CFAP57: variants seen among roughly 807,000 people sequenced by gnomAD.
The protein encoded by CFAP57 is cilia- and flagella-associated protein 57.
In CFAP57, 116 loss-of-function variants were observed where a neutral mutation model predicts 146.8. That is an observed-to-expected ratio of 0.79 (90% confidence interval 0.68 to 0.92). The LOEUF is 0.92. CFAP57 is among the 40% of genes least tolerant of loss of function. The probability of loss-of-function intolerance (pLI) is 0.00; values close to 1 mark genes in which losing one functional copy is unlikely to be tolerated. For missense variants in CFAP57, 1,377 were observed against 1,527.2 expected, an observed-to-expected ratio of 0.90 and a Z score of 1.64; for synonymous variants, 518 against 552.8, an observed-to-expected ratio of 0.94 and a Z score of 0.88.
At chr1:43,205,513 G>T (rs1644321485) in intron 9 of CFAP57, among the ~76,000 whole-genome samples, 1 of 152,240 alleles carries the variant, frequency 6.6e-6, no homozygotes, top group Admixed American at 6.5e-5. Context: ...GTGCACGTAT[G>T]TAAGCCCCTG....
chr1:43,233,180 A>G lies in CFAP57; in HGVS notation c.3126+556A>G, dbSNP rs571330931. Among the ~76,000 whole-genome samples, 277 of 152,318 alleles carry G rather than the reference A, an allele frequency of 1.8e-3. 1 individual carries two copies. Among genetic ancestry groups the G allele is most frequent in the Middle Eastern group, 3.4e-3 (1 of 294 alleles). On this transcript the variant is annotated intron_variant, in intron 19 of 22. Coordinates refer to ENST00000372492, the MANE Select transcript of CFAP57 (RefSeq NM_001378189.1). ...CCTGCCTAGCACAGGCCACTCCTTA[A>G]CATTTGTTGAATAAGATTGGAACTT...
intron 9 of CFAP57, among the ~76,000 whole-genome samples, chr1:43,204,120 A>G: frequency 6.6e-6 from 1 of 152,228 alleles, no homozygotes; most frequent in Non-Finnish European, 1.5e-5. Context: ...TGAGCCTTCC[A>G]GTGAATTTTT....
chr1:43,186,093 T>A (rs1643062603), intron 5 of CFAP57, among the ~76,000 whole-genome samples: 2 of 149,440 alleles, frequency 1.3e-5, no homozygotes, highest in Non-Finnish European at 3.0e-5. Flanking sequence ...AAAAAAAAAA[T>A]TAGCCAGATG....
chr1:43,185,055 C>G (rs1642945628), intron 4 of CFAP57, 94 bp from the exon 5 acceptor site: 4 of 1,379,652 alleles, frequency 2.9e-6, no homozygotes, highest in Non-Finnish European at 3.1e-6. Flanking sequence ...TGGTTTCTGT[C>G]ACACCCAGTG....
intron 21 of CFAP57, among the ~76,000 whole-genome samples, chr1:43,242,717 G>C (rs924456707): frequency 6.6e-6 from 1 of 152,078 alleles, no homozygotes; most frequent in Non-Finnish European, 1.5e-5. Context: ...CAGACTGTTG[G>C]GGTTGGAATC....
chr1:43,237,457 C>T (rs1019196672), intron 21 of CFAP57, among the ~76,000 whole-genome samples: 4 of 152,192 alleles, frequency 2.6e-5, no homozygotes, highest in African/African-American at 9.7e-5. Flanking sequence ...TGTTCCTACT[C>T]TCAAGGAGTT....
At chr1:43,210,019 T>C (rs1644531783) in intron 11 of CFAP57, 103 bp downstream of exon 11, 1 of 1,613,666 alleles carries the variant, frequency 6.2e-7, no homozygotes, top group Non-Finnish European at 8.5e-7. Context: ...CCTTCTTCTC[T>C]CTTATTTATT....
rs1375417219 is a variant in CFAP57 at position 43,209,864 on chromosome 1, C to T, written c.1877C>T (p.Pro626Leu). The change falls in exon 11 of 23, where the codon CCT (proline) becomes CTT (leucine). Residue 626 changes from proline (P) to leucine (L), a missense_variant. Transcript: ENST00000372492. ...GTIRAMKYPL[P>L]LQKEFNEYQA... is the part of the protein sequence containing the mutation. Reference sequence around the variant, plus strand: ...ATTCGTGCCATGAAGTACCCTCTGCCTCTGCAGAAGGAATTCAATGAGTAC... The same window carrying T: ...ATTCGTGCCATGAAGTACCCTCTGCTTCTGCAGAAGGAATTCAATGAGTAC... 1 of 1,614,234 alleles carries T rather than the reference C, an allele frequency of 6.2e-7. No homozygotes were observed.
chr1:43,218,322 C>T (rs939356433), intron 12 of CFAP57, among the ~76,000 whole-genome samples: 17 of 152,222 alleles, frequency 1.1e-4, no homozygotes, highest in Middle Eastern at 6.8e-3. Context: ...GACACTAGGC[C>T]GGGTGCGGTG....
intron 17 of CFAP57, among the ~76,000 whole-genome samples, chr1:43,226,758 A>C (rs551563606): frequency 1.3e-5 from 2 of 152,222 alleles, no homozygotes; most frequent in African/African-American, 4.8e-5. Context: ...ACCTAATATG[A>C]ATGAGTGAGT....
At chr1:43,187,779 A>G (rs1044857013) in intron 6 of CFAP57, among the ~76,000 whole-genome samples, 1 of 152,048 alleles carries the variant, frequency 6.6e-6, no homozygotes, top group African/African-American at 2.4e-5. Flanking sequence ...GACTTTTATG[A>G]CTGGCTTCTT....
intron 9 of CFAP57, among the ~76,000 whole-genome samples, chr1:43,205,701 T>C (rs1644330249): frequency 6.6e-6 from 1 of 152,126 alleles, no homozygotes; most frequent in South Asian, 2.1e-4. Flanking sequence ...CTGCTTGGAA[T>C]AGAGCTTCTG....
rs557580163 is a variant in CFAP57, at chr1:43,178,385, C to T, written c.158-3149C>T. Among the ~76,000 whole-genome samples, 10 of 152,256 alleles carry T rather than the reference C, an allele frequency of 6.6e-5. No individual in the cohort carries two copies. The South Asian group carries it at 2.1e-3, about 32-fold the overall frequency. Reference sequence around the variant, plus strand: ...AATGGGAGAAAATTTTTGCAATCTACTCATCTGACAAAGGGCTAATATCCA... The same window carrying T: ...AATGGGAGAAAATTTTTGCAATCTATTCATCTGACAAAGGGCTAATATCCA... On this transcript the variant is annotated intron_variant, in intron 2 of 22. Coordinates refer to ENST00000372492, the MANE Select transcript of CFAP57 (RefSeq NM_001378189.1).
chr1:43,172,414 G>C lies in CFAP57; in HGVS notation c.-59G>C. The C allele has an allele frequency of 6.4e-7, 1 of 1,551,404 alleles. No homozygotes were observed. The highest frequency in any genetic ancestry group is 2.4e-5 in the East Asian group (1 of 40,902). On this transcript the variant is annotated 5_prime_UTR_variant, in exon 1 of 23. Transcript: ENST00000372492. ...TAGGATCCCTACAGGTAGCGCCTCT[G>C]GATACATGCGTGGTCTGCTGACCCA...
At chr1:43,231,242 A>G (rs1645453588) in intron 18 of CFAP57, among the ~76,000 whole-genome samples, 1 of 152,112 alleles carries the variant, frequency 6.6e-6, no homozygotes, top group Admixed American at 6.5e-5. Flanking sequence ...TAGAACATGG[A>G]TGTGTTCATT....
chr1:43,207,067 C>A, intron 10 of CFAP57, 135 bp downstream of exon 10: 2 of 834,022 alleles, frequency 2.4e-6, no homozygotes, highest in South Asian at 1.5e-5. Flanking sequence ...TAACATCAGG[C>A]TCCTCATTCC....
At chr1:43,195,454 G>A (rs191365383) in intron 6 of CFAP57, among the ~76,000 whole-genome samples, 16 of 152,036 alleles carry the variant, frequency 1.1e-4, no homozygotes, top group Admixed American at 3.9e-4. Flanking sequence ...CCTGGGAGGC[G>A]GAGTTGCAGT....
chr1:43,233,152 C>T (rs1281312474), intron 19 of CFAP57, among the ~76,000 whole-genome samples: 8 of 152,156 alleles, frequency 5.3e-5, no homozygotes, highest in Admixed American at 1.3e-4. Context: ...ACAGTTGTGC[C>T]CTCCTGCCTA....
At position 43,224,845 on chromosome 1, in the gene CFAP57, G is replaced by A. The variant is rs184395819; in HGVS notation, c.2865+641G>A. 4.6e-3 allele frequency among the ~76,000 whole-genome samples: 708 copies of A among 152,286 alleles called. 3 individuals carry two copies. Among genetic ancestry groups the A allele is most frequent in the Admixed American group, 6.9e-3 (106 of 15,310 alleles). ...GTGGAATTCTCCAAGGGCCAAGGAC[G>A]TGGGCTTCAGTGTTAGGGAACTAGG... is the stretch of plus-strand genomic sequence containing the variant. On this transcript the variant is annotated intron_variant, in intron 17 of 22. Transcript: ENST00000372492.
Sources: allele counts gnomAD v4.1 joint callset (sites outside exome capture counted in the v4.1 genomes callset), GRCh38; gene constraint gnomAD v4.1.1; transcripts MANE v1.5; gene names NCBI Gene and HGNC (gene_info 2026-07-23, HGNC 2026-07-21).